STX8: variants seen among roughly 807,000 people sequenced by gnomAD.
The protein encoded by STX8 is syntaxin-8.
A neutral mutation model predicts 37.5 loss-of-function variants in STX8; 23 were observed. The observed-to-expected ratio is 0.61, with a 90% CI of 0.44 to 0.87. The LOEUF is 0.87. STX8 is among the 40% of genes least tolerant of loss of function. The probability of loss-of-function intolerance (pLI) is 0.00; values close to 1 mark genes in which losing one functional copy is unlikely to be tolerated. For missense variants in STX8, 313 were observed against 284.7 expected (o/e 1.10, Z -0.71); for synonymous variants, 115 against 99.1 (o/e 1.16, Z -0.95).
chr17:9,341,276 A>G (rs2142231903), intron 7 of STX8, among the ~76,000 whole-genome samples: 1 of 151,994 alleles, frequency 6.6e-6, no homozygotes, highest in Middle Eastern at 3.4e-3. Context: ...CTGCAGCCTC[A>G]CTCCTTTCTA....
At chr17:9,318,071 T>C (rs1022465135) in intron 7 of STX8, among the ~76,000 whole-genome samples, 1 of 152,182 alleles carries the variant, frequency 6.6e-6, no homozygotes, top group Non-Finnish European at 1.5e-5. Context: ...TATGGCATGC[T>C]ATAGAAGGCA....
intron 4 of STX8, among the ~76,000 whole-genome samples, chr17:9,541,115 C>A (rs1003649789): frequency 5.0e-4 from 76 of 152,326 alleles, no homozygotes; most frequent in African/African-American, 1.7e-3. Context: ...ACATTCCCAT[C>A]AACTAATTCA....
Position 9,502,146 on chromosome 17 carries a change from G to T in STX8, c.448+2892C>A, listed in dbSNP as rs12601235. Among the ~76,000 whole-genome samples, 102 of 152,310 alleles carry T rather than the reference G, an allele frequency of 6.7e-4. 1 individual carries two copies. In the East Asian group the frequency reaches 0.018, roughly 27 times the overall value. ...AACCATTATGGAAAACAGTATGGAG[G>T]TTCTTCAAAAAATTAAAAGTGATAC... On this transcript the variant is annotated intron_variant, in intron 5 of 7. Coordinates refer to ENST00000306357, the MANE Select transcript of STX8 (RefSeq NM_004853.3).
At chr17:9,279,231 AT>A (rs746782181) in intron 7 of STX8, among the ~76,000 whole-genome samples, 24 of 151,814 alleles carry the variant, frequency 1.6e-4, no homozygotes, top group Admixed American at 3.3e-4. Context: ...CTAATTTTGT[AT>A]TTTTAGTAGA....
intron 6 of STX8, among the ~76,000 whole-genome samples, chr17:9,454,979 G>C (rs1224837610): frequency 1.3e-5 from 2 of 152,016 alleles, no homozygotes; most frequent in Admixed American, 6.5e-5. Context: ...GCTTTGGAAG[G>C]TCAAGGCGGG....
At chr17:9,285,175 C>A (rs1908030409) in intron 7 of STX8, among the ~76,000 whole-genome samples, 1 of 152,142 alleles carries the variant, frequency 6.6e-6, no homozygotes, top group South Asian at 2.1e-4. Context: ...CCACGAATCA[C>A]AGGTTGTGGG....
At chr17:9,362,920 T>A (rs1273500393) in intron 7 of STX8, among the ~76,000 whole-genome samples, 1 of 151,882 alleles carries the variant, frequency 6.6e-6, no homozygotes, top group Admixed American at 6.6e-5. Flanking sequence ...GAAAAAAAAA[T>A]TCAAATAATA....
chr17:9,406,614 A>C lies in STX8; in HGVS notation c.542-27961T>G, dbSNP rs1298428778. Among the ~76,000 whole-genome samples the C allele has an allele frequency of 2.0e-5, 3 of 152,236 alleles. No individual in the cohort carries two copies. In the East Asian group the frequency reaches 5.8e-4, roughly 29 times the overall value. ...TGTGTTTGTGTGCATCTGTTTTGATAAATTTTAACTTTGCAAGTAGATCTG... is the reference window on the plus strand; with the variant it reads ...TGTGTTTGTGTGCATCTGTTTTGATCAATTTTAACTTTGCAAGTAGATCTG... On this transcript the variant is annotated intron_variant, in intron 6 of 7. Coordinates refer to ENST00000306357, the MANE Select transcript of STX8 (RefSeq NM_004853.3).
chr17:9,452,995 G>A (rs1245120710), intron 6 of STX8, among the ~76,000 whole-genome samples: 1 of 151,938 alleles, frequency 6.6e-6, no homozygotes, highest in African/African-American at 2.4e-5. Flanking sequence ...TAGTAGAGAC[G>A]GGGTTTCATC....
intron 3 of STX8, chr17:9,557,196 T>A (rs533223532): frequency 2.4e-6 from 1 of 417,168 alleles, no homozygotes; most frequent in Admixed American, 3.5e-5. Context: ...CTTCCTGAAC[T>A]GTACAGGTTA....
intron 6 of STX8, among the ~76,000 whole-genome samples, chr17:9,410,571 T>C (rs1441415732): frequency 6.6e-6 from 1 of 152,218 alleles, no homozygotes; most frequent in African/African-American, 2.4e-5. Flanking sequence ...AAGCTACGCA[T>C]AGTGCAGCTG....
Position 9,575,780 on chromosome 17 carries a change from C to G in STX8, c.17+12G>C, listed in dbSNP as rs1260654464. On this transcript the variant is annotated intron_variant, in intron 1 of 7. Transcript: ENST00000306357. ...GTCCCTCCACGCACCGCCGCCCTCA[C>G]CCGGGACTCACCAGGGGTCCGGTGC... is the stretch of plus-strand genomic sequence containing the variant. 3.9e-6 allele frequency: 6 copies of G among 1,546,148 alleles called. No individual in the cohort carries two copies. The highest frequency in any genetic ancestry group is 5.2e-6 in the Non-Finnish European group (6 of 1,146,402).
rs561571404 is a variant in STX8 at position 9,319,521 on chromosome 17, A to T, written c.643+59031T>A. Reference sequence around the variant, plus strand: ...AGTTATACAATACAGAAAATGCAACAGCAGCACATCATTTGATTCAACAGG... The same window carrying T: ...AGTTATACAATACAGAAAATGCAACTGCAGCACATCATTTGATTCAACAGG... On this transcript the variant is annotated intron_variant, in intron 7 of 7. Transcript: ENST00000306357. Among the ~76,000 whole-genome samples the T allele has an allele frequency of 2.6e-5, 4 of 152,356 alleles. No individual in the cohort carries two copies. In the South Asian group the frequency reaches 8.3e-4, roughly 32 times the overall value.
chr17:9,331,266 T>G (rs1291306808), intron 7 of STX8, among the ~76,000 whole-genome samples: 1 of 152,192 alleles, frequency 6.6e-6, no homozygotes, highest in Non-Finnish European at 1.5e-5. Flanking sequence ...TATTAAAAAA[T>G]TAATTATTAG....
chr17:9,535,424 C>CTTTTTTTTTTTTTTTTTTT lies in STX8; in HGVS notation c.323+9729_323+9747dup, dbSNP rs35962202. 1.6e-3 allele frequency among the ~76,000 whole-genome samples: 83 copies of CTTTTTTTTTTTTTTTTTTT among 51,564 alleles called. 16 individuals carry two copies. The highest frequency in any genetic ancestry group is 4.1e-3 in the East Asian group (5 of 1,206). The allele number at this position is 51,564 out of a possible 152,430, so 33.8% of individuals were successfully genotyped here. On this transcript the variant is annotated intron_variant, in intron 4 of 7. Coordinates refer to ENST00000306357, the MANE Select transcript of STX8 (RefSeq NM_004853.3). ...CATACCCTCTGACCCAGCCATCCTA[C>CTTTTTTTTTTTTTTTTTTT]TTTTTTTTTTTTTTTTTTTTTTTTT...
At chr17:9,379,623 G>GT (rs1278896338) in intron 6 of STX8, among the ~76,000 whole-genome samples, 23 of 152,242 alleles carry the variant, frequency 1.5e-4, no homozygotes, top group African/African-American at 5.5e-4. Flanking sequence ...AAACTTTAAT[G>GT]TTTTTTGTTA....
At chr17:9,562,271 T>C (rs1355489346) in intron 2 of STX8, among the ~76,000 whole-genome samples, 1 of 151,808 alleles carries the variant, frequency 6.6e-6, no homozygotes, top group African/African-American at 2.4e-5. Context: ...CCGGGCATGG[T>C]GGCGGGCGCC....
intron 4 of STX8, among the ~76,000 whole-genome samples, chr17:9,511,430 G>A (rs1281100746): frequency 1.3e-5 from 2 of 152,098 alleles, no homozygotes; most frequent in Non-Finnish European, 2.9e-5. Context: ...TTTATCCAAT[G>A]AATGCAGGAA....
intron 6 of STX8, among the ~76,000 whole-genome samples, chr17:9,414,783 CTTTTTTTTTTTTTT>C (rs10552538): frequency 1.7e-5 from 1 of 57,436 alleles, no homozygotes; most frequent in African/African-American, 7.4e-5. Context: ...CTGAGTTCTG[CTTTTTTTTTTTTTT>C]TTTTTTTTTT....
Sources: allele counts gnomAD v4.1 joint callset (sites outside exome capture counted in the v4.1 genomes callset), GRCh38; gene constraint gnomAD v4.1.1; transcripts MANE v1.5; gene names NCBI Gene and HGNC (gene_info 2026-07-23, HGNC 2026-07-21).